DISP3: variants seen among roughly 807,000 people sequenced by gnomAD.
DISP3 encodes the protein dispatched RND transporter family member 3.
In DISP3, 101 loss-of-function variants were observed where a neutral mutation model predicts 135.3. The ratio of observed to expected loss-of-function variants is 0.75; its 90% confidence interval spans 0.64 to 0.88. The LOEUF (loss-of-function observed/expected upper bound fraction) is 0.88. Ranked by LOEUF, DISP3 falls within the 40% of genes least tolerant of loss-of-function variation. The probability of loss-of-function intolerance (pLI) is 0.00; values close to 1 mark genes in which losing one functional copy is unlikely to be tolerated. For synonymous variants in DISP3, 856 were observed against 817.0 expected, an observed-to-expected ratio of 1.05 and a Z score of -0.81; for missense variants, 1,713 against 1,878.6, an observed-to-expected ratio of 0.91 and a Z score of 1.63.
At chr1:11,530,043 A>G (rs1642536626) in intron 15 of DISP3, 84 bp downstream of exon 15, 25 of 1,530,430 alleles carry the variant, frequency 1.6e-5, no homozygotes, top group Non-Finnish European at 1.9e-5. Flanking sequence ...AACCATGTCC[A>G]GCTCCTCACA....
intron 3 of DISP3, among the ~76,000 whole-genome samples, chr1:11,503,368 T>C (rs747529968): frequency 6.6e-6 from 1 of 152,228 alleles, no homozygotes; most frequent in Admixed American, 6.5e-5. Context: ...ATCTGCAAGA[T>C]GCTGCAAGAC....
At chr1:11,512,056 C>G (rs372066449) in intron 3 of DISP3, among the ~76,000 whole-genome samples, 1 of 152,160 alleles carries the variant, frequency 6.6e-6, no homozygotes, top group Non-Finnish European at 1.5e-5. Context: ...CTGCACACAG[C>G]GTGGGGACCC....
chr1:11,517,635 G>C, intron 7 of DISP3, 33 bp downstream of exon 7: 1 of 1,607,400 alleles, frequency 6.2e-7, no homozygotes, highest in Non-Finnish European at 8.5e-7. Context: ...CCACAGCAGG[G>C]TATCCACAAC....
chr1:11,508,149 C>T (rs1641757021), intron 3 of DISP3, among the ~76,000 whole-genome samples: 1 of 152,128 alleles, frequency 6.6e-6, no homozygotes, highest in Non-Finnish European at 1.5e-5. Flanking sequence ...TAGCAGGGTA[C>T]CGTAGTTCAT....
chr1:11,511,916 C>G (rs2100442191), intron 3 of DISP3, among the ~76,000 whole-genome samples: 1 of 152,350 alleles, frequency 6.6e-6, no homozygotes, highest in South Asian at 2.1e-4. Context: ...TTTGCATCCA[C>G]AGACTCAACA....
Position 11,517,705 on chromosome 1 carries a change from G to A in DISP3, c.1889+103G>A. ...CTTCCAAAAGCCTTCTGTATGACCA[G>A]TCCTTTGCTAGGCAGGGAACAGGGA... On this transcript the variant is annotated intron_variant, in intron 7 of 20. Coordinates refer to ENST00000294484, the MANE Select transcript of DISP3 (RefSeq NM_020780.2). 2.1e-6 allele frequency: 3 copies of A among 1,418,248 alleles called. No individual in the cohort carries two copies. The South Asian group carries it at 3.8e-5, about 18-fold the overall frequency. The allele number at this position is 1,418,248 out of a possible 1,614,324, so 87.9% of individuals were successfully genotyped here.
rs1641587935 is a variant in DISP3 at position 11,502,805 on chromosome 1, C to T, written c.1224C>T (p.Tyr408=). 3 of 1,614,236 alleles carry T rather than the reference C, an allele frequency of 1.9e-6. No individual in the cohort carries two copies. Among genetic ancestry groups the T allele is most frequent in the African/African-American group, 1.3e-5 (1 of 75,068 alleles). The change falls in exon 3 of 21, where the codon TAC becomes TAT. Residue 408 remains tyrosine, a synonymous_variant. Coordinates refer to ENST00000294484, the MANE Select transcript of DISP3 (RefSeq NM_020780.2). The part of the protein sequence containing the change: ...EILFGAPLPN[Y]YSVDDRWEEQ... The stretch of plus-strand genomic sequence containing the variant: ...TGTTTGGAGCACCCCTGCCCAACTA[C>T]TACTCAGTAGATGACCGCTGGGAGG...
chr1:11,515,221 G>A, intron 4 of DISP3, 148 bp from the exon 5 acceptor site: 1 of 1,182,886 alleles, frequency 8.5e-7, no homozygotes, highest in African/African-American at 1.6e-5. Flanking sequence ...AACAGAATTG[G>A]CCCTGTGCCT....
chr1:11,521,679 A>G (rs1284055971), intron 10 of DISP3, among the ~76,000 whole-genome samples: 12 of 114,106 alleles, frequency 1.1e-4, no homozygotes, highest in South Asian at 3.0e-4. Flanking sequence ...GGGAGAGGAG[A>G]GAAGAGGAGA....
chr1:11,500,606 C>A (rs1285988137), intron 1 of DISP3, among the ~76,000 whole-genome samples: 1 of 152,198 alleles, frequency 6.6e-6, no homozygotes, highest in Non-Finnish European at 1.5e-5. Flanking sequence ...AGTGGAGTTA[C>A]ATCTTACATT....
intron 3 of DISP3, among the ~76,000 whole-genome samples, chr1:11,510,847 C>T (rs1260902558): frequency 2.6e-5 from 4 of 151,666 alleles, no homozygotes; most frequent in Non-Finnish European, 4.4e-5. Flanking sequence ...ACCTGAAACT[C>T]GGAGAGAAAA....
chr1:11,505,340 GAATA>G (rs1162553537), intron 3 of DISP3, among the ~76,000 whole-genome samples: 1 of 152,250 alleles, frequency 6.6e-6, no homozygotes, highest in Admixed American at 6.5e-5. Flanking sequence ...GGGAGTGAAT[GAATA>G]AATGAATGGA....
chr1:11,498,424 T>C (rs980196865), intron 1 of DISP3, among the ~76,000 whole-genome samples: 1 of 152,082 alleles, frequency 6.6e-6, no homozygotes, highest in African/African-American at 2.4e-5. Flanking sequence ...TCTCTCTGCA[T>C]GGGCTAGTTT....
intron 1 of DISP3, among the ~76,000 whole-genome samples, chr1:11,481,061 T>A (rs61775773): frequency 8.8e-4 from 121 of 138,158 alleles, no homozygotes; most frequent in Middle Eastern, 3.8e-3. Flanking sequence ...TCTCTCTCTC[T>A]CTCACACACA....
Position 11,531,939 on chromosome 1 carries a change from T to C in DISP3, c.3375+229T>C, listed in dbSNP as rs1292442109. Among the ~76,000 whole-genome samples, 2 of 152,186 alleles carry C rather than the reference T, an allele frequency of 1.3e-5. No individual in the cohort carries two copies. The highest frequency in any genetic ancestry group is 2.9e-5 in the Non-Finnish European group (2 of 68,022). ...CCCATGGGCGGCCTGCCAGTTCCCT[T>C]CCACCCACCTTTCCCCTTCCCTCCC... On this transcript the variant is annotated intron_variant, in intron 17 of 20. Coordinates refer to ENST00000294484, the MANE Select transcript of DISP3 (RefSeq NM_020780.2). The surrounding 1 kb of genome is among the most constrained non-coding windows in gnomAD (Gnocchi z 5.2).
At position 11,499,109 on chromosome 1, in the gene DISP3, T is replaced by A. The variant is rs1641426774; in HGVS notation, c.-3-1881T>A. On this transcript the variant is annotated intron_variant, in intron 1 of 20. Coordinates refer to ENST00000294484, the MANE Select transcript of DISP3 (RefSeq NM_020780.2). This position sits in a 1 kb window ranked among gnomAD's most constrained non-coding sequence, Gnocchi z 5.2. ...GCATGATGAATTCAATGTGGACCCC[T>A]AGGGGACGGGGATGGCATTCCTGGT... Among the ~76,000 whole-genome samples, 1 of 152,080 alleles carries A rather than the reference T, an allele frequency of 6.6e-6. No individual in the cohort carries two copies.
intron 3 of DISP3, among the ~76,000 whole-genome samples, chr1:11,504,636 C>T (rs553625784): frequency 1.3e-5 from 2 of 152,268 alleles, no homozygotes; most frequent in Admixed American, 6.5e-5. Context: ...CTCACTCTTG[C>T]AGGAATGGAT....
intron 1 of DISP3, among the ~76,000 whole-genome samples, chr1:11,486,629 G>T (rs892713007): frequency 2.0e-5 from 3 of 152,286 alleles, no homozygotes; most frequent in African/African-American, 7.2e-5. Context: ...GGGTGAAAAG[G>T]TTCATGGAGC....
In DISP3 at chr1:11,491,743, T is replaced by G. The variant is rs1024091910; in HGVS notation, c.-3-9247T>G. On this transcript the variant is annotated intron_variant, in intron 1 of 20. Transcript: ENST00000294484. This position sits in a 1 kb window ranked among gnomAD's most constrained non-coding sequence, Gnocchi z 4.3. ...GATTCACGTAAAAGTCCAAGGATCT[T>G]TGGGGCAGAGAATAAGGGAGTCCGC... Among the ~76,000 whole-genome samples the G allele has an allele frequency of 3.3e-5, 5 of 152,174 alleles. No individual in the cohort carries two copies. The highest frequency in any genetic ancestry group is 1.2e-4 in the African/African-American group (5 of 41,442).
Sources: gnomAD v4.1 joint callset for allele counts (sites outside exome capture counted in the v4.1 genomes callset) on GRCh38, gnomAD v4.1.1 for gene constraint, Gnocchi (gnomAD v3.1) non-coding constraint, MANE v1.5 for transcripts, NCBI Gene and HGNC (gene_info 2026-07-23, HGNC 2026-07-21) for gene names.